The following CSMD2 variants were observed in gnomAD, a reference collection of about 807,000 sequenced individuals.
CSMD2 encodes CUB and sushi domain-containing protein 2.
CSMD2 carries 130 observed loss-of-function variants against 398.5 expected under a neutral mutation model. The ratio of observed to expected loss-of-function variants is 0.33; its 90% confidence interval spans 0.28 to 0.38. The LOEUF (loss-of-function observed/expected upper bound fraction) is 0.38. CSMD2 is among the 10% of genes least tolerant of loss of function. The probability of loss-of-function intolerance (pLI) is 1.00; values close to 1 mark genes in which losing one functional copy is unlikely to be tolerated. For synonymous variants in CSMD2, 1,828 were observed against 1,908.5 expected (o/e 0.96, Z 1.10); for missense variants, 3,829 against 4,764.9 (o/e 0.80, Z 5.78).
rs148633760 is a variant in CSMD2 at position 33,725,509 on chromosome 1, G to T, written c.2535C>A (p.Thr845=). 26 of 1,614,158 alleles carry T rather than the reference G, an allele frequency of 1.6e-5. No individual in the cohort carries two copies. The African/African-American group carries it at 2.7e-4, about 17-fold the overall frequency. Residue 845 remains threonine (T), a synonymous_variant, in exon 17 of 71, where the codon ACC becomes ACA. Coordinates refer to ENST00000373381, the MANE Select transcript of CSMD2 (RefSeq NM_001281956.2). ...AAGTCCGCCCATCGCGTACTTCCAG[G>T]GTGTCATAGTTGACCTCGGTTTTGA... ...DRFKTEVNYD[T]LEVRDGRTYS... is the part of the protein sequence containing the mutation.
chr1:34,158,813 C>G (rs1358734694), intron 1 of CSMD2, among the ~76,000 whole-genome samples: 2 of 152,218 alleles, frequency 1.3e-5, no homozygotes, highest in Non-Finnish European at 2.9e-5. Flanking sequence ...GCTCTACAGC[C>G]TTGGCCCAGC....
intron 1 of CSMD2, among the ~76,000 whole-genome samples, chr1:34,091,129 G>C (rs1365591413): frequency 6.6e-6 from 1 of 152,080 alleles, no homozygotes; most frequent in Non-Finnish European, 1.5e-5. Flanking sequence ...TATTATAAAA[G>C]TAAATCTCCA....
intron 1 of CSMD2, among the ~76,000 whole-genome samples, chr1:34,149,533 C>T (rs906148617): frequency 6.6e-6 from 1 of 152,206 alleles, no homozygotes; most frequent in African/African-American, 2.4e-5. Context: ...GGATAAGACT[C>T]CCCTGAGTGT....
intron 1 of CSMD2, among the ~76,000 whole-genome samples, chr1:34,145,502 A>C (rs1639684452): frequency 6.6e-6 from 1 of 152,194 alleles, no homozygotes; most frequent in Non-Finnish European, 1.5e-5. Flanking sequence ...CTCCCAGTGT[A>C]ATTTTTGTAG....
chr1:33,844,487 G>C (rs1362451055), intron 6 of CSMD2, among the ~76,000 whole-genome samples: 3 of 152,222 alleles, frequency 2.0e-5, no homozygotes, highest in Admixed American at 6.5e-5. Context: ...CAACAATGGA[G>C]TTACTAAACG....
In CSMD2 at chr1:33,709,341, A is replaced by G; in HGVS notation, c.3407-83T>C. 2.4e-6 allele frequency: 3 copies of G among 1,252,542 alleles called. No individual in the cohort carries two copies. In the South Asian group the frequency reaches 4.5e-5, roughly 19 times the overall value. The allele number at this position is 1,252,542 out of a possible 1,614,324, so 77.6% of individuals were successfully genotyped here. A position where few individuals can be genotyped will look rare whatever the true frequency, so the allele number is the denominator to read the frequency against. ...AACTCACAGCTCTGAAGAACCTGAC[A>G]AAGATGACAAGTCGTTTGCCTGTCT... On this transcript the variant is annotated intron_variant, in intron 21 of 70. Transcript: ENST00000373381.
intron 26 of CSMD2, among the ~76,000 whole-genome samples, chr1:33,661,028 T>C (rs904306846): frequency 5.3e-5 from 8 of 152,126 alleles, no homozygotes; most frequent in African/African-American, 1.9e-4. Context: ...AGATGAACCT[T>C]GAAGGATGAA....
Position 33,560,301 on chromosome 1 carries a change from G to A in CSMD2, c.8381-828C>T, listed in dbSNP as rs1424793875. ...TCCAACTTAGCCTTTATTAGTAAGC[G>A]AGGTAATATTTGGGCCTCCACCTAC... On this transcript the variant is annotated intron_variant, in intron 53 of 70. Coordinates refer to ENST00000373381, the MANE Select transcript of CSMD2 (RefSeq NM_001281956.2). Among the ~76,000 whole-genome samples, 4 of 152,262 alleles carry A rather than the reference G, an allele frequency of 2.6e-5. No homozygotes were observed. In the East Asian group the frequency reaches 5.8e-4, roughly 22 times the overall value.
intron 2 of CSMD2, among the ~76,000 whole-genome samples, chr1:34,051,208 A>C (rs2148223541): frequency 6.6e-6 from 1 of 152,308 alleles, no homozygotes; most frequent in African/African-American, 2.4e-5. Context: ...AGAACAACTC[A>C]ATCCAGGCAG....
chr1:34,126,925 CAAAGA>C (rs1662801486), intron 1 of CSMD2, among the ~76,000 whole-genome samples: 6 of 151,228 alleles, frequency 4.0e-5, no homozygotes, highest in Admixed American at 3.9e-4. Flanking sequence ...ATCAGGGACT[CAAAGA>C]AAAGAACAGG....
At chr1:33,652,511 A>G in intron 27 of CSMD2, 50 bp from the exon 28 acceptor site, 1 of 1,601,588 alleles carries the variant, frequency 6.2e-7, no homozygotes, top group Non-Finnish European at 8.5e-7. Flanking sequence ...CCCTGGGCTC[A>G]TTTTCATGGG....
chr1:33,679,681 A>T (rs1026017991), intron 25 of CSMD2, among the ~76,000 whole-genome samples: 1 of 152,230 alleles, frequency 6.6e-6, no homozygotes, highest in Non-Finnish European at 1.5e-5. Flanking sequence ...AAAATCACCT[A>T]AAATAATTCC....
chr1:33,585,856 C>G lies in CSMD2; in HGVS notation c.7051+648G>C, dbSNP rs141417261. Among the ~76,000 whole-genome samples the G allele has an allele frequency of 5.8e-3, 886 of 152,342 alleles. 11 individuals are homozygous for G. The highest frequency in any genetic ancestry group is 0.02 in the African/African-American group (830 of 41,576). ...ACAAATATGGAGCAATTACTGCATG[C>G]CAGGCATCATTCTAAACTGGTTTAT... is the stretch of plus-strand genomic sequence containing the variant. On this transcript the variant is annotated intron_variant, in intron 46 of 70. Transcript: ENST00000373381.
At chr1:34,148,889 C>T (rs372842201) in intron 1 of CSMD2, among the ~76,000 whole-genome samples, 3 of 152,116 alleles carry the variant, frequency 2.0e-5, no homozygotes, top group Non-Finnish European at 4.4e-5. Context: ...CAGTAGGTGG[C>T]GGATGGGGTC....
chr1:33,632,942 C>T (rs554512733), intron 32 of CSMD2, among the ~76,000 whole-genome samples: 17 of 152,104 alleles, frequency 1.1e-4, no homozygotes, highest in African/African-American at 3.1e-4. Flanking sequence ...GAGAAAAGCT[C>T]GTAGCGAATA....
At chr1:34,081,857 G>T (rs909459778) in intron 2 of CSMD2, among the ~76,000 whole-genome samples, 1 of 151,942 alleles carries the variant, frequency 6.6e-6, no homozygotes, top group Admixed American at 6.6e-5. Flanking sequence ...CTAACTGGCT[G>T]CCCATCGTCT....
At chr1:33,660,806 G>T (rs1023934358) in intron 26 of CSMD2, among the ~76,000 whole-genome samples, 2 of 152,236 alleles carry the variant, frequency 1.3e-5, no homozygotes, top group African/African-American at 4.8e-5. Flanking sequence ...TAAGCTGTGA[G>T]TGAGCACCTG....
intron 21 of CSMD2, among the ~76,000 whole-genome samples, chr1:33,712,167 G>C (rs1427750044): frequency 6.6e-6 from 1 of 152,174 alleles, no homozygotes; most frequent in Non-Finnish European, 1.5e-5. Context: ...ATCAGCCTGG[G>C]GCTTCTGAGG....
At chr1:34,132,657 G>A (rs1663483475) in intron 1 of CSMD2, among the ~76,000 whole-genome samples, 1 of 152,230 alleles carries the variant, frequency 6.6e-6, no homozygotes, top group Non-Finnish European at 1.5e-5. Flanking sequence ...CCAATTCATT[G>A]AGGTCCCCGA....
Sources: allele counts gnomAD v4.1 joint callset (sites outside exome capture counted in the v4.1 genomes callset), GRCh38; gene constraint gnomAD v4.1.1; transcripts MANE v1.5; gene names NCBI Gene and HGNC (gene_info 2026-07-23, HGNC 2026-07-21).